NPAS3: variants seen among roughly 807,000 people sequenced by gnomAD.
NPAS3 encodes the protein neuronal PAS domain protein 3.
A neutral mutation model predicts 73.1 loss-of-function variants in NPAS3; 14 were observed. The observed-to-expected ratio is 0.19, with a 90% CI of 0.13 to 0.30. The LOEUF is 0.30. NPAS3 is among the 10% of genes least tolerant of loss of function. NPAS3 has a pLI of 1.00. For synonymous variants in NPAS3, 620 were observed against 541.5 expected, an observed-to-expected ratio of 1.14 and a Z score of -2.01; for missense variants, 1,096 against 1,250.0, an observed-to-expected ratio of 0.88 and a Z score of 1.86.
At chr14:33,494,584 G>A (rs1213015497) in intron 4 of NPAS3, among the ~76,000 whole-genome samples, 1 of 152,076 alleles carries the variant, frequency 6.6e-6, no homozygotes. Context: ...GATCTACAGG[G>A]ACCCAGACTC....
intron 1 of NPAS3, among the ~76,000 whole-genome samples, chr14:32,998,216 G>A (rs781477513): frequency 3.9e-5 from 6 of 152,212 alleles, no homozygotes; most frequent in Non-Finnish European, 8.8e-5. Flanking sequence ...ATGAAGTACT[G>A]ATACATGTAC....
At chr14:33,691,044 A>T (rs901763250) in intron 6 of NPAS3, among the ~76,000 whole-genome samples, 1 of 152,222 alleles carries the variant, frequency 6.6e-6, no homozygotes, top group African/African-American at 2.4e-5. Flanking sequence ...TCTGTTGCAA[A>T]AACATAACTT....
At chr14:33,694,823 G>A (rs1431007939) in intron 6 of NPAS3, among the ~76,000 whole-genome samples, 1 of 152,142 alleles carries the variant, frequency 6.6e-6, no homozygotes, top group Non-Finnish European at 1.5e-5. Context: ...ATCCCTTTAA[G>A]TGTCACATCA....
intron 3 of NPAS3, among the ~76,000 whole-genome samples, chr14:33,309,253 G>A (rs956866406): frequency 5.9e-5 from 9 of 152,140 alleles, no homozygotes; most frequent in East Asian, 3.8e-4. Context: ...TCCATGTCAC[G>A]GTTCACCTGC....
chr14:33,539,003 G>A (rs1316867225), intron 4 of NPAS3, among the ~76,000 whole-genome samples: 2 of 152,078 alleles, frequency 1.3e-5, no homozygotes, highest in African/African-American at 4.8e-5. Flanking sequence ...CCTTATGCAG[G>A]CAACCTCTCA....
chr14:33,023,684 A>G (rs888679892), intron 1 of NPAS3, among the ~76,000 whole-genome samples: 1 of 152,206 alleles, frequency 6.6e-6, no homozygotes, highest in African/African-American at 2.4e-5. Flanking sequence ...AGGTTTTAGG[A>G]AACATCTTTT....
chr14:33,373,229 C>T (rs1357680507), intron 4 of NPAS3, among the ~76,000 whole-genome samples: 1 of 152,122 alleles, frequency 6.6e-6, no homozygotes, highest in Non-Finnish European at 1.5e-5. Context: ...ATAATGCTTA[C>T]ATAATTGTTA....
chr14:33,106,713 A>G (rs2042732647), intron 2 of NPAS3, among the ~76,000 whole-genome samples: 1 of 152,172 alleles, frequency 6.6e-6, no homozygotes, highest in African/African-American at 2.4e-5. Flanking sequence ...TAATTTGAAG[A>G]GGCAGATATT....
At chr14:33,032,042 C>T (rs61974882) in intron 1 of NPAS3, among the ~76,000 whole-genome samples, 14,115 of 152,230 alleles carry the variant, frequency 0.093, 704 homozygotes, top group Non-Finnish European at 0.11. Context: ...AGATGACTGT[C>T]GGCACCCTTT....
At chr14:33,594,708 G>C (rs550017410) in intron 5 of NPAS3, among the ~76,000 whole-genome samples, 1 of 152,290 alleles carries the variant, frequency 6.6e-6, no homozygotes, top group Admixed American at 6.5e-5. Flanking sequence ...CAGAAGGACC[G>C]ACTGCCTCTT....
At chr14:33,450,133 C>A (rs2049723257) in intron 4 of NPAS3, among the ~76,000 whole-genome samples, 1 of 152,200 alleles carries the variant, frequency 6.6e-6, no homozygotes, top group African/African-American at 2.4e-5. Context: ...ATACTTCTTA[C>A]AGGCAGTGCC....
chr14:33,199,486 A>G (rs1018801038), intron 2 of NPAS3, among the ~76,000 whole-genome samples: 2 of 152,168 alleles, frequency 1.3e-5, no homozygotes, highest in African/African-American at 2.4e-5. Flanking sequence ...GAGAGGCTAG[A>G]CAGGCTCTTG....
intron 4 of NPAS3, among the ~76,000 whole-genome samples, chr14:33,393,762 C>G (rs2138645476): frequency 6.6e-6 from 1 of 152,232 alleles, no homozygotes; most frequent in East Asian, 1.9e-4. Flanking sequence ...TCAGTGCTCT[C>G]AGGGGATCTC....
chr14:33,425,239 T>A (rs2048508235), intron 4 of NPAS3, among the ~76,000 whole-genome samples: 1 of 151,862 alleles, frequency 6.6e-6, no homozygotes, highest in South Asian at 2.1e-4. Flanking sequence ...GATGCGCCAA[T>A]AGGAGATAAG....
intron 4 of NPAS3, among the ~76,000 whole-genome samples, chr14:33,432,751 T>C (rs901109802): frequency 6.6e-6 from 1 of 152,212 alleles, no homozygotes; most frequent in African/African-American, 2.4e-5. Flanking sequence ...TTGTCATCAC[T>C]TTTTCATATT....
chr14:33,419,864 C>T (rs1371142309), intron 4 of NPAS3, among the ~76,000 whole-genome samples: 5 of 151,804 alleles, frequency 3.3e-5, no homozygotes, highest in East Asian at 3.9e-4. Context: ...AGTGAGATTG[C>T]GGGAGCAATT....
At chr14:33,073,676 T>G (rs1313469227) in intron 2 of NPAS3, among the ~76,000 whole-genome samples, 1 of 152,210 alleles carries the variant, frequency 6.6e-6, no homozygotes, top group Non-Finnish European at 1.5e-5. Flanking sequence ...TATTCAGGAT[T>G]GACTAGAAAG....
At chr14:33,667,908 AT>A (rs1026850002) in intron 5 of NPAS3, among the ~76,000 whole-genome samples, 25 of 150,376 alleles carry the variant, frequency 1.7e-4, no homozygotes, top group African/African-American at 3.9e-4. Context: ...GTTTTCCAAG[AT>A]TTTTTTTTTA....
intron 4 of NPAS3, among the ~76,000 whole-genome samples, chr14:33,489,355 A>G (rs1215020822): frequency 1.3e-5 from 2 of 152,208 alleles, no homozygotes; most frequent in African/African-American, 4.8e-5. Context: ...TGCCTGTATC[A>G]GAAGGGATTT....
Sources: allele counts gnomAD v4.1 joint callset (sites outside exome capture counted in the v4.1 genomes callset), GRCh38; gene constraint gnomAD v4.1.1; transcripts MANE v1.5; gene names NCBI Gene and HGNC (gene_info 2026-07-23, HGNC 2026-07-21).